SPRED2: variants seen among roughly 807,000 people sequenced by gnomAD.
SPRED2 encodes sprouty-related, EVH1 domain-containing protein 2.
In SPRED2, 47 loss-of-function variants were observed where a neutral mutation model predicts 43.0. The observed-to-expected ratio is 1.09, with a 90% confidence interval of 0.87 to 1.40. SPRED2 has a LOEUF of 1.40. SPRED2 is among the 40% of genes most tolerant of loss of function. SPRED2 has a pLI of 0.00. For missense variants in SPRED2, 561 were observed against 586.4 expected (o/e 0.96, Z 0.45); for synonymous variants, 225 against 225.7 (o/e 1.00, Z 0.03).
intron 1 of SPRED2, among the ~76,000 whole-genome samples, chr2:65,430,876 A>G (rs2103827070): frequency 6.6e-6 from 1 of 152,262 alleles, no homozygotes; most frequent in East Asian, 1.9e-4. Flanking sequence ...CAAAAAAAAA[A>G]AAGTGGCTGG....
Position 65,313,594 on chromosome 2 carries a change from G to T in SPRED2, c.1164C>A (p.Ala388=). Residue 388 remains alanine, a synonymous_variant, in exon 6 of 6, where the codon GCC becomes GCA. Coordinates refer to ENST00000356388, the MANE Select transcript of SPRED2 (RefSeq NM_181784.3). ...WMALIALSFL[A]PCMCCYLPLR... ...GGGGCAGGTAACAGCACATACAGGG[G>T]GCCAGGAAAGACAAGGCAATAAGAG... 6.2e-7 allele frequency: 1 copy of T among 1,614,216 alleles called. No homozygotes were observed. Among genetic ancestry groups the T allele is most frequent in the Non-Finnish European group, 8.5e-7 (1 of 1,180,032 alleles).
At chr2:65,410,531 G>A (rs560046129) in intron 1 of SPRED2, among the ~76,000 whole-genome samples, 7 of 152,184 alleles carry the variant, frequency 4.6e-5, no homozygotes, top group Admixed American at 2.6e-4. Flanking sequence ...AGGCCGAGGC[G>A]GGCGGATCAC....
At chr2:65,327,127 A>T (rs994374322) in intron 4 of SPRED2, among the ~76,000 whole-genome samples, 1 of 152,278 alleles carries the variant, frequency 6.6e-6, no homozygotes, top group South Asian at 2.1e-4. Flanking sequence ...AAGTGCTGGG[A>T]TTACAGTTGT....
At chr2:65,345,776 G>C (rs1240884626) in intron 1 of SPRED2, among the ~76,000 whole-genome samples, 3 of 152,108 alleles carry the variant, frequency 2.0e-5, no homozygotes, top group Non-Finnish European at 4.4e-5. Context: ...TTCTGTTTAT[G>C]ATTTTATTTC....
At chr2:65,355,738 C>A (rs1464582275) in intron 1 of SPRED2, among the ~76,000 whole-genome samples, 1 of 152,154 alleles carries the variant, frequency 6.6e-6, no homozygotes, top group East Asian at 1.9e-4. Flanking sequence ...GTCTGCTTTA[C>A]TGAGTTGAGC....
At chr2:65,365,829 C>G (rs894511810) in intron 1 of SPRED2, among the ~76,000 whole-genome samples, 1 of 152,102 alleles carries the variant, frequency 6.6e-6, no homozygotes, top group Admixed American at 6.5e-5. Flanking sequence ...TGTGCTTTAA[C>G]TAGTCAGACA....
chr2:65,418,726 T>C (rs1038579055), intron 1 of SPRED2, among the ~76,000 whole-genome samples: 1 of 151,998 alleles, frequency 6.6e-6, no homozygotes, highest in African/African-American at 2.4e-5. Flanking sequence ...GCTAAGTTTT[T>C]GTATTTTTAG....
At chr2:65,318,220 G>T (rs1673303194) in intron 4 of SPRED2, among the ~76,000 whole-genome samples, 1 of 152,162 alleles carries the variant, frequency 6.6e-6, no homozygotes, top group African/African-American at 2.4e-5. Context: ...CTTCCGCCAT[G>T]ATTGTGAGGC....
chr2:65,344,387 G>A (rs1034332946), intron 2 of SPRED2: 2 of 401,382 alleles, frequency 5.0e-6, no homozygotes, highest in African/African-American at 4.2e-5. Flanking sequence ...TCACAGCTCA[G>A]TACAATGTGA....
intron 1 of SPRED2, among the ~76,000 whole-genome samples, chr2:65,349,836 T>C (rs1459622147): frequency 1.3e-5 from 2 of 152,236 alleles, no homozygotes; most frequent in South Asian, 2.1e-4. Context: ...CTCCAGGGTA[T>C]AGACTTCTCT....
chr2:65,408,203 G>A (rs1410828671), intron 1 of SPRED2, among the ~76,000 whole-genome samples: 1 of 152,168 alleles, frequency 6.6e-6, no homozygotes, highest in Non-Finnish European at 1.5e-5. Context: ...CCAGACACCA[G>A]TAATGATCAC....
intron 1 of SPRED2, among the ~76,000 whole-genome samples, chr2:65,397,730 AC>A (rs1452267389): frequency 1.3e-5 from 2 of 151,354 alleles, no homozygotes; most frequent in East Asian, 3.9e-4. Flanking sequence ...TCTTAGCTAG[AC>A]TCCTTTAGAC....
chr2:65,360,547 G>C (rs1027719175), intron 1 of SPRED2, among the ~76,000 whole-genome samples: 4 of 152,200 alleles, frequency 2.6e-5, no homozygotes, highest in Non-Finnish European at 5.9e-5. Context: ...AGGATATTGT[G>C]CTAAGTGAAA....
chr2:65,390,984 C>A (rs565757756), intron 1 of SPRED2, among the ~76,000 whole-genome samples: 1 of 147,852 alleles, frequency 6.8e-6, no homozygotes, highest in African/African-American at 2.5e-5. Context: ...GCTACTTGGG[C>A]AGGTGAGGTG....
intron 1 of SPRED2, among the ~76,000 whole-genome samples, chr2:65,360,020 G>A (rs1674757459): frequency 2.9e-5 from 4 of 139,684 alleles, no homozygotes; most frequent in Admixed American, 1.5e-4. Flanking sequence ...AGCCAAGGTC[G>A]CGTCACTGCA....
intron 1 of SPRED2, among the ~76,000 whole-genome samples, chr2:65,390,059 TC>T (rs1363579597): frequency 6.6e-6 from 1 of 152,204 alleles, no homozygotes; most frequent in Non-Finnish European, 1.5e-5. Context: ...TTTGGATTCT[TC>T]CTGCAATTCG....
In SPRED2 at chr2:65,378,467, G is replaced by A. The variant is rs1021810441; in HGVS notation, c.27-33571C>T. On this transcript the variant is annotated intron_variant, in intron 1 of 5. Transcript: ENST00000356388. ...CAAGAAAAAGTGTGTGTGTGGGGCGGAGGAGACATGAATGACAGCTGGGTG... is the reference window on the plus strand; with the variant it reads ...CAAGAAAAAGTGTGTGTGTGGGGCGAAGGAGACATGAATGACAGCTGGGTG... Among the ~76,000 whole-genome samples, 3 of 152,316 alleles carry A rather than the reference G, an allele frequency of 2.0e-5. No homozygotes were observed. In the South Asian group the frequency reaches 6.2e-4, roughly 32 times the overall value.
intron 1 of SPRED2, among the ~76,000 whole-genome samples, chr2:65,396,373 T>G (rs1490395858): frequency 1.3e-5 from 2 of 152,206 alleles, no homozygotes; most frequent in Non-Finnish European, 2.9e-5. Context: ...CTACGGCGCA[T>G]CATGCTATTC....
At chr2:65,350,567 G>A (rs11887828) in intron 1 of SPRED2, among the ~76,000 whole-genome samples, 5,195 of 152,220 alleles carry the variant, frequency 0.034, 302 homozygotes, top group African/African-American at 0.12. Flanking sequence ...TTTAAATGTG[G>A]CTTCTTTAAG....
Sources: gnomAD v4.1 joint callset for allele counts (sites outside exome capture counted in the v4.1 genomes callset) on GRCh38, gnomAD v4.1.1 for gene constraint, MANE v1.5 for transcripts, NCBI Gene and HGNC (gene_info 2026-07-23, HGNC 2026-07-21) for gene names.